Variants in ATF7 observed in about 807,000 individuals in gnomAD.
ATF7 encodes the protein cyclic AMP-dependent transcription factor ATF-7.
ATF7 carries 10 observed loss-of-function variants against 50.4 expected under a neutral mutation model. That is an observed-to-expected ratio of 0.20 (90% CI 0.12 to 0.34). The LOEUF is 0.34. Among genes scored for constraint, ATF7 ranks in the 10% least tolerant of loss-of-function variants. The pLI is 1.00. For missense variants in ATF7, 465 were observed against 613.9 expected (o/e 0.76, Z 2.56); for synonymous variants, 201 against 226.4 (o/e 0.89, Z 1.01).
intron 2 of ATF7, among the ~76,000 whole-genome samples, chr12:53,582,756 T>A (rs902689619): frequency 1.3e-5 from 2 of 152,004 alleles, no homozygotes; most frequent in Non-Finnish European, 2.9e-5. Flanking sequence ...TTTTTTGTAT[T>A]AGCCGGGATT....
intron 2 of ATF7, among the ~76,000 whole-genome samples, chr12:53,595,958 C>G (rs1278103883): frequency 6.6e-6 from 1 of 152,118 alleles, no homozygotes; most frequent in East Asian, 1.9e-4. Flanking sequence ...AATAGCCCCT[C>G]AGGGTCACAC....
intron 3 of ATF7, among the ~76,000 whole-genome samples, chr12:53,545,598 A>C (rs569721173): frequency 1.3e-5 from 2 of 152,172 alleles, no homozygotes; most frequent in Non-Finnish European, 2.9e-5. Context: ...GGCCTCCCAA[A>C]GTGCTGGGAT....
rs1481012610 is a variant in ATF7, at chr12:53,519,583, TC to T, written c.1235-2230del. On this transcript the variant is annotated intron_variant, in intron 11 of 11. Coordinates refer to ENST00000420353, the MANE Select transcript of ATF7 (RefSeq NM_006856.3). ...TGGGCGTGGTGGTGCCCGCCTGTAG[TC>T]CCAGCTACTCGGGAGGCTGAGGCAG... Among the ~76,000 whole-genome samples the T allele has an allele frequency of 7.2e-5, 11 of 151,996 alleles. No homozygotes were observed. In the East Asian group the frequency reaches 1.9e-3, roughly 27 times the overall value.
intron 2 of ATF7, among the ~76,000 whole-genome samples, chr12:53,581,064 A>G (rs1403731930): frequency 6.6e-6 from 1 of 152,146 alleles, no homozygotes; most frequent in East Asian, 1.9e-4. Flanking sequence ...GTGAGCCAAG[A>G]TTGTGCCACT....
chr12:53,604,554 A>G (rs1474685080), intron 1 of ATF7, among the ~76,000 whole-genome samples: 5 of 152,206 alleles, frequency 3.3e-5, no homozygotes, highest in Non-Finnish European at 1.5e-5. Context: ...CCATTACAAT[A>G]TAATTTAATA....
At chr12:53,606,250 CT>C (rs915094302) in intron 1 of ATF7, among the ~76,000 whole-genome samples, 84 of 146,816 alleles carry the variant, frequency 5.7e-4, no homozygotes, top group African/African-American at 1.6e-3. Context: ...AGAAAGGGCA[CT>C]TTTTTTTTTT....
chr12:53,554,870 G>GAAAAAAAA (rs61675595), intron 2 of ATF7, among the ~76,000 whole-genome samples: 82 of 76,028 alleles, frequency 1.1e-3, no homozygotes, highest in African/African-American at 2.6e-3. Flanking sequence ...CTCAAAAAAA[G>GAAAAAAAA]AAAAAAAAAA....
chr12:53,571,638 T>TTA (rs1221517962), intron 2 of ATF7, among the ~76,000 whole-genome samples: 2 of 135,734 alleles, frequency 1.5e-5, no homozygotes, highest in African/African-American at 5.5e-5. Flanking sequence ...TCCATCTCTT[T>TTA]AAAAAAAAAA....
Position 53,523,319 on chromosome 12 carries a change from G to A in ATF7, c.1191C>T (p.Asp397=). The A allele has an allele frequency of 6.2e-7, 1 of 1,614,060 alleles. No homozygotes were observed. The highest frequency in any genetic ancestry group is 8.5e-7 in the Non-Finnish European group (1 of 1,179,930). ...TTTTCTGTAGTGCAGTGACTGGGCA[G>A]TCTTTATGAGCTAACAGTAGCTGTT... The part of the protein sequence containing the change: ...QLKQLLLAHK[D]CPVTALQKKT... Residue 397 remains aspartate, a synonymous_variant, in exon 11 of 12, where the codon GAC becomes GAT. Coordinates refer to ENST00000420353, the MANE Select transcript of ATF7 (RefSeq NM_006856.3).
chr12:53,590,825 T>C (rs886915257), intron 2 of ATF7, among the ~76,000 whole-genome samples: 1 of 152,156 alleles, frequency 6.6e-6, no homozygotes, highest in Non-Finnish European at 1.5e-5. Flanking sequence ...CATGACATTC[T>C]AGAAAAAGTG....
chr12:53,591,491 A>G (rs776717374), intron 2 of ATF7, among the ~76,000 whole-genome samples: 4 of 152,200 alleles, frequency 2.6e-5, no homozygotes, highest in Non-Finnish European at 5.9e-5. Flanking sequence ...TAAAAGGGAC[A>G]CTGAGTTTCT....
At chr12:53,529,504 T>A (rs2137364914) in intron 9 of ATF7, among the ~76,000 whole-genome samples, 1 of 144,824 alleles carries the variant, frequency 6.9e-6, no homozygotes, top group African/African-American at 2.5e-5. Context: ...CCTGGCTAAT[T>A]TTTTTTGTAT....
rs1256085138 is a variant in ATF7 at position 53,524,382 on chromosome 12, T to G, written c.1125+182A>C. On this transcript the variant is annotated intron_variant, in intron 10 of 11. Coordinates refer to ENST00000420353, the MANE Select transcript of ATF7 (RefSeq NM_006856.3). This position sits in a 1 kb window ranked among gnomAD's most constrained non-coding sequence, Gnocchi z 4.6. ...AGGAGATTTGGGGGTAGATGGTGAG[T>G]GTCTTCACCAATACCTATGAAAGAG... is the stretch of plus-strand genomic sequence containing the variant. Among the ~76,000 whole-genome samples, 2 of 152,206 alleles carry G rather than the reference T, an allele frequency of 1.3e-5. No individual in the cohort carries two copies. Among genetic ancestry groups the G allele is most frequent in the Non-Finnish European group, 2.9e-5 (2 of 68,030 alleles).
At position 53,583,967 on chromosome 12, in the gene ATF7, A is replaced by G. The variant is rs142511083; in HGVS notation, c.48+16986T>C. Among the ~76,000 whole-genome samples, 12 of 152,270 alleles carry G rather than the reference A, an allele frequency of 7.9e-5. No individual in the cohort carries two copies. The East Asian group carries it at 9.6e-4, about 12-fold the overall frequency. The stretch of plus-strand genomic sequence containing the variant: ...ACATCATGCCATCAGGGAAATACAA[A>G]TACAGATAATTGTTATTAGTATTAT... On this transcript the variant is annotated intron_variant, in intron 2 of 11. Coordinates refer to ENST00000420353, the MANE Select transcript of ATF7 (RefSeq NM_006856.3).
rs1333822519 is a variant in ATF7 at position 53,515,139 on chromosome 12, A to G, written c.*1998T>C. 6.6e-6 allele frequency: 1 copy of G among 152,204 alleles called. No individual in the cohort carries two copies. Among genetic ancestry groups the G allele is most frequent in the Non-Finnish European group, 1.5e-5 (1 of 68,052 alleles). 9.4% of individuals were successfully genotyped at this position (152,204 alleles called of 1,614,324 possible). ...TGGGTACCTGATGGTAGAGGATGAG[A>G]AAACCGTGTTTTCTCTCCTTTGTCT... On this transcript the variant is annotated 3_prime_UTR_variant, in exon 12 of 12. Transcript: ENST00000420353.
chr12:53,603,054 T>C (rs1943465529), intron 1 of ATF7, among the ~76,000 whole-genome samples: 1 of 152,176 alleles, frequency 6.6e-6, no homozygotes, highest in African/African-American at 2.4e-5. Context: ...TCCTCTAATA[T>C]ATTTTCAACC....
chr12:53,519,453 G>C (rs1400509386), intron 11 of ATF7, among the ~76,000 whole-genome samples: 1 of 152,050 alleles, frequency 6.6e-6, no homozygotes, highest in Admixed American at 6.6e-5. Context: ...TGTAATCCTA[G>C]CACTTTGGGA....
rs1224004752 is a variant in ATF7, at chr12:53,514,731, C to T, written c.*2406G>A. ...TGGGGGCTAAGAAATAAAAAAGACC[C>T]GCTACATAAATTAGCCACCCAACAC... On this transcript the variant is annotated 3_prime_UTR_variant, in exon 12 of 12. Coordinates refer to ENST00000420353, the MANE Select transcript of ATF7 (RefSeq NM_006856.3). 1 of 152,228 alleles carries T rather than the reference C, an allele frequency of 6.6e-6. No individual in the cohort carries two copies. Among genetic ancestry groups the T allele is most frequent in the Non-Finnish European group, 1.5e-5 (1 of 68,036 alleles). 9.4% of individuals were successfully genotyped at this position (152,228 alleles called of 1,614,324 possible). A position where few individuals can be genotyped will look rare whatever the true frequency, so the allele number is the denominator to read the frequency against.
chr12:53,567,454 T>C (rs1941501952), intron 2 of ATF7, among the ~76,000 whole-genome samples: 1 of 152,270 alleles, frequency 6.6e-6, no homozygotes, highest in Non-Finnish European at 1.5e-5. Flanking sequence ...GCATGTTTTC[T>C]TATTTCTCGC....
Sources: gnomAD v4.1 joint callset for allele counts (sites outside exome capture counted in the v4.1 genomes callset) on GRCh38, gnomAD v4.1.1 for gene constraint, Gnocchi (gnomAD v3.1) non-coding constraint, MANE v1.5 for transcripts, NCBI Gene and HGNC (gene_info 2026-07-23, HGNC 2026-07-21) for gene names.